The following FAT3 variants were observed in gnomAD, a reference collection of about 807,000 sequenced individuals.
FAT3 encodes the protein protocadherin Fat 3.
A neutral mutation model predicts 310.2 loss-of-function variants in FAT3; 95 were observed. The ratio of observed to expected loss-of-function variants is 0.31; its 90% confidence interval spans 0.26 to 0.36. The LOEUF (loss-of-function observed/expected upper bound fraction) is 0.36, where lower values mean the gene tolerates loss of function less well. Ranked by LOEUF, FAT3 falls within the 10% of genes least tolerant of loss-of-function variation. The probability of loss-of-function intolerance (pLI) is 1.00; values close to 1 mark genes in which losing one functional copy is unlikely to be tolerated. For synonymous variants in FAT3, 2,314 were observed against 2,192.9 expected (o/e 1.06, Z -1.54); for missense variants, 5,408 against 5,715.6 (o/e 0.95, Z 1.74).
At chr11:92,521,598 A>G (rs1953686259) in intron 2 of FAT3, among the ~76,000 whole-genome samples, 1 of 152,112 alleles carries the variant, frequency 6.6e-6, no homozygotes, top group Non-Finnish European at 1.5e-5. Flanking sequence ...TGAAAACAAG[A>G]TTCGCTTGGG....
intron 3 of FAT3, among the ~76,000 whole-genome samples, chr11:92,674,182 A>AAATAAT (rs550101493): frequency 0.1 from 14,387 of 140,814 alleles, 840 homozygotes; most frequent in East Asian, 0.18. Flanking sequence ...CTCCATCTCA[A>AAATAAT]AATAATAATA....
At chr11:92,774,991 T>A (rs1393003299) in intron 7 of FAT3, among the ~76,000 whole-genome samples, 1 of 152,204 alleles carries the variant, frequency 6.6e-6, no homozygotes, top group Non-Finnish European at 1.5e-5. Flanking sequence ...TTTTTTTTTC[T>A]TATTTTTTAG....
chr11:92,701,895 G>T (rs1210249936), intron 4 of FAT3, among the ~76,000 whole-genome samples: 6 of 152,140 alleles, frequency 3.9e-5, no homozygotes, highest in African/African-American at 1.4e-4. Flanking sequence ...GGGTGTTTTT[G>T]GTTTTCTTTC....
intron 3 of FAT3, among the ~76,000 whole-genome samples, chr11:92,547,735 C>T (rs1565401414): frequency 6.6e-6 from 1 of 152,142 alleles, no homozygotes; most frequent in Non-Finnish European, 1.5e-5. Context: ...CAACCTTCTG[C>T]CCTGGGTAGT....
At position 92,383,327 on chromosome 11, in the gene FAT3, G is replaced by A. The variant is rs559478138; in HGVS notation, c.3292+27923G>A. ...TGTGTGTGTATCTTTATAATAGAAT[G>A]AATTATACTCCTTTGGGTATATACC... On this transcript the variant is annotated intron_variant, in intron 2 of 27. Coordinates refer to ENST00000525166, the MANE Select transcript of FAT3 (RefSeq NM_001367949.2). 2.6e-5 allele frequency among the ~76,000 whole-genome samples: 4 copies of A among 152,308 alleles called. No homozygotes were observed. In the East Asian group the frequency reaches 7.7e-4, roughly 29 times the overall value.
intron 3 of FAT3, among the ~76,000 whole-genome samples, chr11:92,681,804 A>G (rs1943487708): frequency 6.6e-6 from 1 of 152,184 alleles, no homozygotes; most frequent in African/African-American, 2.4e-5. Flanking sequence ...CACTGCCAGC[A>G]CATCAAATTT....
Position 92,790,213 on chromosome 11 carries a change from A to T in FAT3, c.4606A>T (p.Ile1536Leu). The change falls in exon 8 of 28, where the codon ATA becomes TTA. Residue 1536 changes from isoleucine to leucine, a missense_variant. Physicochemically the swap from Ile to Leu is conservative, Grantham distance 5. Transcript: ENST00000525166. ...HEAQDKHILNIMVRDQEFPYR... is the reference protein window; with the variant it reads ...HEAQDKHILNLMVRDQEFPYR... Reference sequence around the variant, plus strand: ...GGCCCAGGACAAGCACATTCTCAACATAATGGTAGGACCAAAATCCTAATT... The same window carrying T: ...GGCCCAGGACAAGCACATTCTCAACTTAATGGTAGGACCAAAATCCTAATT... The T allele has an allele frequency of 6.2e-7, 1 of 1,613,410 alleles. No homozygotes were observed. Among genetic ancestry groups the T allele is most frequent in the Non-Finnish European group, 8.5e-7 (1 of 1,179,484 alleles).
intron 3 of FAT3, among the ~76,000 whole-genome samples, chr11:92,641,479 A>G (rs1941961212): frequency 6.6e-6 from 1 of 152,168 alleles, no homozygotes; most frequent in Non-Finnish European, 1.5e-5. Flanking sequence ...TGAAGGCTCT[A>G]GGGAAGCATT....
In FAT3 at chr11:92,697,402, C is replaced by T. The variant is rs1232461746; in HGVS notation, c.3626C>T (p.Ser1209Leu). The T allele has an allele frequency of 1.9e-6, 3 of 1,613,810 alleles. No individual in the cohort carries two copies. Among genetic ancestry groups the T allele is most frequent in the Admixed American group, 1.7e-5 (1 of 60,006 alleles). Reference sequence around the variant, plus strand: ...TACACAGGTCTGATTACAACAACTTCAAGGAAATTGGATCGAGAACAGCAG... The same window carrying T: ...TACACAGGTCTGATTACAACAACTTTAAGGAAATTGGATCGAGAACAGCAG... ...NIKTGLITTTSRKLDREQQAE... is the reference protein window; with the variant it reads ...NIKTGLITTTLRKLDREQQAE... The change falls in exon 4 of 28, where the codon TCA becomes TTA. Residue 1209 changes from serine to leucine, a missense_variant. This residue lies in a region of FAT3 where 4,588 missense variants were observed against 4,809.8 expected (regional missense o/e 0.95). Transcript: ENST00000525166.
intron 19 of FAT3, among the ~76,000 whole-genome samples, chr11:92,855,902 T>C (rs1185235354): frequency 6.6e-6 from 1 of 152,212 alleles, no homozygotes; most frequent in Non-Finnish European, 1.5e-5. Context: ...TTACAGATTT[T>C]TTAATGTTTA....
chr11:92,756,749 T>C (rs572331042), intron 4 of FAT3, among the ~76,000 whole-genome samples: 6 of 152,126 alleles, frequency 3.9e-5, no homozygotes, highest in Admixed American at 1.3e-4. Context: ...CCAGCTTCCA[T>C]AACTTCAAAA....
At chr11:92,687,185 G>A (rs1286125753) in intron 3 of FAT3, among the ~76,000 whole-genome samples, 6 of 152,110 alleles carry the variant, frequency 3.9e-5, no homozygotes, top group Non-Finnish European at 8.8e-5. Flanking sequence ...AACAGCATCT[G>A]AGTACAAGCC....
intron 2 of FAT3, among the ~76,000 whole-genome samples, chr11:92,450,525 T>C (rs1189105918): frequency 6.6e-6 from 1 of 152,138 alleles, no homozygotes; most frequent in African/African-American, 2.4e-5. Context: ...CTACAAGGCC[T>C]TGGTTCCAAC....
intron 3 of FAT3, among the ~76,000 whole-genome samples, chr11:92,678,362 G>A (rs1169948617): frequency 2.6e-5 from 4 of 152,116 alleles, no homozygotes; most frequent in South Asian, 2.1e-4. Context: ...GTGGAGAGGT[G>A]GAGTTTTCCT....
At position 92,894,377 on chromosome 11, in the gene FAT3, T is replaced by A. The variant is rs952871548; in HGVS notation, c.*3264T>A. The A allele has an allele frequency of 6.6e-6, 1 of 152,302 alleles. No homozygotes were observed. The highest frequency in any genetic ancestry group is 1.9e-4 in the East Asian group (1 of 5,184). 9.4% of individuals were successfully genotyped at this position (152,302 alleles called of 1,614,324 possible). ...GCATTTTTGGTTTTGGTTTTGCATT[T>A]TTTTCTTCCCACAAACACTGGCTAC... On this transcript the variant is annotated 3_prime_UTR_variant, in exon 28 of 28. Coordinates refer to ENST00000525166, the MANE Select transcript of FAT3 (RefSeq NM_001367949.2).
In FAT3 at chr11:92,354,628, A is replaced by G; in HGVS notation, c.2516A>G (p.Asn839Ser). 2 of 1,613,872 alleles carry G rather than the reference A, an allele frequency of 1.2e-6. No individual in the cohort carries two copies. Among genetic ancestry groups the G allele is most frequent in the Non-Finnish European group, 8.5e-7 (1 of 1,179,876 alleles). Residue 839 changes from asparagine (N) to serine (S), a missense_variant, in exon 2 of 28, where the codon AAC becomes AGC. Physicochemically the swap from Asn to Ser is conservative, Grantham distance 46. Coordinates refer to ENST00000525166, the MANE Select transcript of FAT3 (RefSeq NM_001367949.2). ...PVFIQDSYSV[N>S]ILESSGIGTE... Reference sequence around the variant, plus strand: ...TTTATTCAAGACAGTTACTCAGTTAACATTCTTGAAAGTTCAGGCATTGGT... The same window carrying G: ...TTTATTCAAGACAGTTACTCAGTTAGCATTCTTGAAAGTTCAGGCATTGGT...
intron 1 of FAT3, among the ~76,000 whole-genome samples, chr11:92,289,046 TG>T (rs1946625661): frequency 6.6e-6 from 1 of 152,078 alleles, no homozygotes; most frequent in Non-Finnish European, 1.5e-5. Context: ...CACCATTGGC[TG>T]GGGGTCAGAG....
intron 2 of FAT3, among the ~76,000 whole-genome samples, chr11:92,429,797 C>A (rs1163078158): frequency 6.6e-6 from 1 of 152,160 alleles, no homozygotes; most frequent in Non-Finnish European, 1.5e-5. Context: ...TTCTCTCTGG[C>A]TGCCCTTAAC....
chr11:92,342,442 G>T (rs1948288664), intron 1 of FAT3, among the ~76,000 whole-genome samples: 1 of 152,136 alleles, frequency 6.6e-6, no homozygotes, highest in African/African-American at 2.4e-5. Flanking sequence ...CCTTGAAAGA[G>T]ACTCACTTTT....
Sources: gnomAD v4.1 joint callset for allele counts (sites outside exome capture counted in the v4.1 genomes callset) on GRCh38, gnomAD v4.1.1 for gene constraint, gnomAD v4.1.1 regional missense constraint, MANE v1.5 for transcripts, NCBI Gene and HGNC (gene_info 2026-07-23, HGNC 2026-07-21) for gene names.